The following KCNT2 variants were observed in gnomAD, a reference collection of about 807,000 sequenced individuals.
KCNT2 encodes potassium sodium-activated channel subfamily T member 2.
A neutral mutation model predicts 153.8 loss-of-function variants in KCNT2; 67 were observed. That is an observed-to-expected ratio of 0.44 (90% CI 0.36 to 0.53). The LOEUF (loss-of-function observed/expected upper bound fraction) is 0.53, where lower values mean the gene tolerates loss of function less well. Ranked by LOEUF, KCNT2 falls within the 20% of genes least tolerant of loss-of-function variation. The probability of loss-of-function intolerance (pLI) is 0.00; values close to 1 mark genes in which losing one functional copy is unlikely to be tolerated. For synonymous variants in KCNT2, 500 were observed against 458.8 expected (o/e 1.09, Z -1.15); for missense variants, 975 against 1,354.8 (o/e 0.72, Z 4.40).
At position 196,572,552 on chromosome 1, in the gene KCNT2, T is replaced by G. The variant is rs114822740; in HGVS notation, c.95+35663A>C. ...AGAGAACTGCATACGTTTTGCCATT[T>G]TGTCAGCAATTCCTATTCACTATCA... On this transcript the variant is annotated intron_variant, in intron 1 of 27. Coordinates refer to ENST00000294725, the MANE Select transcript of KCNT2 (RefSeq NM_198503.5). Among the ~76,000 whole-genome samples the G allele has an allele frequency of 4.2e-3, 637 of 152,210 alleles. 3 individuals carry two copies. Among genetic ancestry groups the G allele is most frequent in the African/African-American group, 0.012 (516 of 41,568 alleles).
chr1:196,311,385 G>C (rs1662163978), intron 21 of KCNT2, among the ~76,000 whole-genome samples: 3 of 151,708 alleles, frequency 2.0e-5, no homozygotes. Flanking sequence ...GGCCACAGAA[G>C]TCATCCTGTC....
intron 1 of KCNT2, among the ~76,000 whole-genome samples, chr1:196,588,177 G>T (rs1662914860): frequency 6.6e-6 from 1 of 151,742 alleles, no homozygotes; most frequent in African/African-American, 2.4e-5. Flanking sequence ...TTTGAACATG[G>T]TATTAGTAGC....
chr1:196,263,953 T>C (rs961987161), intron 25 of KCNT2, among the ~76,000 whole-genome samples: 1 of 152,162 alleles, frequency 6.6e-6, no homozygotes, highest in Admixed American at 6.6e-5. Flanking sequence ...TGTATATGTG[T>C]GTGTGTGTTT....
Position 196,539,183 on chromosome 1 carries a change from A to G in KCNT2, c.96-46842T>C, listed in dbSNP as rs183127114. Among the ~76,000 whole-genome samples, 257 of 152,316 alleles carry G rather than the reference A, an allele frequency of 1.7e-3. 1 individual carries two copies. The highest frequency in any genetic ancestry group is 5.9e-3 in the African/African-American group (246 of 41,578). ...TCTGTTTTAAAAGTAAATGAGTACTATTTTACTTAAATTTACATAAGAATA... is the reference window on the plus strand; with the variant it reads ...TCTGTTTTAAAAGTAAATGAGTACTGTTTTACTTAAATTTACATAAGAATA... On this transcript the variant is annotated intron_variant, in intron 1 of 27. Transcript: ENST00000294725.
intron 12 of KCNT2, among the ~76,000 whole-genome samples, chr1:196,419,618 G>T (rs1400716774): frequency 6.6e-6 from 1 of 151,226 alleles, no homozygotes; most frequent in Admixed American, 6.6e-5. Flanking sequence ...AGGACATTTG[G>T]GTTGGTTCTA....
intron 10 of KCNT2, 93 bp downstream of exon 10, chr1:196,428,012 C>T (rs1673803001): frequency 2.3e-6 from 2 of 880,838 alleles, no homozygotes; most frequent in East Asian, 2.6e-5. Context: ...AATAAAAATC[C>T]TCCACAAAGC....
chr1:196,537,352 A>C (rs1655722728), intron 1 of KCNT2, among the ~76,000 whole-genome samples: 1 of 152,300 alleles, frequency 6.6e-6, no homozygotes, highest in African/African-American at 2.4e-5. Context: ...AGAATGCATT[A>C]GTCATGTCCA....
At chr1:196,285,780 A>G (rs967756071) in intron 22 of KCNT2, 22 bp from the exon 23 acceptor site, 2 of 1,459,014 alleles carry the variant, frequency 1.4e-6, no homozygotes, top group Non-Finnish European at 1.9e-6. Context: ...TTTGAGATAG[A>G]AAAATTTGTG....
intron 1 of KCNT2, among the ~76,000 whole-genome samples, chr1:196,528,310 TAC>T (rs1654513192): frequency 6.6e-6 from 1 of 152,180 alleles, no homozygotes; most frequent in Non-Finnish European, 1.5e-5. Flanking sequence ...CCCAACTATT[TAC>T]ACAGATTGAG....
At chr1:196,382,274 T>TA (rs1284931031) in intron 13 of KCNT2, among the ~76,000 whole-genome samples, 1 of 151,064 alleles carries the variant, frequency 6.6e-6, no homozygotes, top group Non-Finnish European at 1.5e-5. Context: ...ATTTTTTATT[T>TA]TTTTTTGTAT....
chr1:196,368,244 A>G (rs1339683852), intron 14 of KCNT2, among the ~76,000 whole-genome samples: 1 of 152,184 alleles, frequency 6.6e-6, no homozygotes, highest in Non-Finnish European at 1.5e-5. Context: ...GGAATAAATG[A>G]TTTTCCCTTT....
chr1:196,264,935 C>T (rs1657391971), intron 25 of KCNT2, among the ~76,000 whole-genome samples: 1 of 152,124 alleles, frequency 6.6e-6, no homozygotes. Flanking sequence ...CCAGCCCAGC[C>T]CCAATGCTTA....
intron 23 of KCNT2, among the ~76,000 whole-genome samples, chr1:196,282,851 A>G (rs1659245929): frequency 6.6e-6 from 1 of 151,902 alleles, no homozygotes; most frequent in South Asian, 2.1e-4. Flanking sequence ...CTATTTATTT[A>G]TTTATTTATT....
chr1:196,323,522 C>A (rs1663537180), intron 19 of KCNT2, among the ~76,000 whole-genome samples: 2 of 151,810 alleles, frequency 1.3e-5, no homozygotes, highest in African/African-American at 4.8e-5. Context: ...CTCTAATGAA[C>A]CAGTACCAAC....
intron 26 of KCNT2, chr1:196,257,150 C>G (rs1399143345): frequency 1.4e-6 from 1 of 735,126 alleles, no homozygotes; most frequent in African/African-American, 1.9e-5. Context: ...AATGAGATAC[C>G]TATCAAATCA....
chr1:196,486,317 T>A (rs891969490), intron 3 of KCNT2, among the ~76,000 whole-genome samples: 1 of 151,858 alleles, frequency 6.6e-6, no homozygotes, highest in Admixed American at 6.6e-5. Flanking sequence ...ATATAAAAAA[T>A]TAAATAAAAA....
At chr1:196,588,044 C>A (rs994014281) in intron 1 of KCNT2, among the ~76,000 whole-genome samples, 1 of 151,920 alleles carries the variant, frequency 6.6e-6, no homozygotes, top group African/African-American at 2.4e-5. Context: ...CTTTGAAAAA[C>A]CTTTTCTATC....
intron 14 of KCNT2, among the ~76,000 whole-genome samples, chr1:196,372,241 T>G (rs1668598424): frequency 6.6e-6 from 1 of 151,974 alleles, no homozygotes; most frequent in South Asian, 2.1e-4. Flanking sequence ...GAGTATTTAC[T>G]ACTTTTAAAT....
intron 1 of KCNT2, among the ~76,000 whole-genome samples, chr1:196,551,289 G>T (rs1657864369): frequency 6.6e-6 from 1 of 151,768 alleles, no homozygotes; most frequent in Admixed American, 6.6e-5. Context: ...TTGGTTTGAA[G>T]AACAAACATA....
Sources: allele counts gnomAD v4.1 joint callset (sites outside exome capture counted in the v4.1 genomes callset), GRCh38; gene constraint gnomAD v4.1.1; transcripts MANE v1.5; gene names NCBI Gene and HGNC (gene_info 2026-07-23, HGNC 2026-07-21).